The following TRABD2B variants were observed in gnomAD, a reference collection of about 807,000 sequenced individuals.
TRABD2B encodes metalloprotease TIKI2.
Under a neutral mutation model 40.1 loss-of-function variants are expected in TRABD2B, and 14 were observed. That is an observed-to-expected ratio of 0.35 (90% CI 0.23 to 0.55). The LOEUF (loss-of-function observed/expected upper bound fraction) is 0.55. TRABD2B is among the 20% of genes least tolerant of loss of function. The pLI is 0.90. For missense variants in TRABD2B, 541 were observed against 648.6 expected, an observed-to-expected ratio of 0.83 and a Z score of 1.80; for synonymous variants, 263 against 277.0, an observed-to-expected ratio of 0.95 and a Z score of 0.50.
chr1:47,862,949 C>T (rs1201477659), intron 2 of TRABD2B, among the ~76,000 whole-genome samples: 1 of 152,168 alleles, frequency 6.6e-6, no homozygotes, highest in Non-Finnish European at 1.5e-5. Flanking sequence ...GTCAACTAAT[C>T]TTTGACACAG....
intron 2 of TRABD2B, among the ~76,000 whole-genome samples, chr1:47,923,339 G>A (rs752363495): frequency 1.5e-4 from 23 of 152,222 alleles, no homozygotes; most frequent in Non-Finnish European, 2.6e-4. Context: ...GGATTCTCAA[G>A]AGGGCAAGGA....
At chr1:47,907,002 G>GGGT (rs1644687515) in intron 2 of TRABD2B, among the ~76,000 whole-genome samples, 2 of 152,200 alleles carry the variant, frequency 1.3e-5, no homozygotes, top group South Asian at 4.1e-4. Flanking sequence ...GAATAGGCTT[G>GGGT]GCGGTCTCCT....
intron 2 of TRABD2B, among the ~76,000 whole-genome samples, chr1:47,882,299 C>A (rs1483257342): frequency 1.3e-5 from 2 of 152,242 alleles, no homozygotes; most frequent in African/African-American, 4.8e-5. Flanking sequence ...TGACCACCCG[C>A]CACAGTGATC....
At chr1:47,979,153 C>G (rs1645804384) in intron 2 of TRABD2B, among the ~76,000 whole-genome samples, 1 of 152,144 alleles carries the variant, frequency 6.6e-6, no homozygotes, top group African/African-American at 2.4e-5. Flanking sequence ...GGTACTTGGC[C>G]TCCTGGAACC....
rs1644934837 is a variant in TRABD2B, at chr1:47,809,520, C to T, written c.667-7901G>A. ...ACCCTGGGCCCAAATCATCTCTCAG[C>T]ACTGGGTAGGGGTGGAGGACAGCTC... On this transcript the variant is annotated intron_variant, in intron 2 of 6. Coordinates refer to ENST00000606738, the MANE Select transcript of TRABD2B (RefSeq NM_001194986.2). Among the ~76,000 whole-genome samples, 4 of 152,198 alleles carry T rather than the reference C, an allele frequency of 2.6e-5. No homozygotes were observed. The South Asian group carries it at 8.3e-4, about 32-fold the overall frequency.
At position 47,916,045 on chromosome 1, in the gene TRABD2B, C is replaced by T. The variant is rs1197384870; in HGVS notation, c.666+77989G>A. Among the ~76,000 whole-genome samples, 4 of 152,020 alleles carry T rather than the reference C, an allele frequency of 2.6e-5. No individual in the cohort carries two copies. The East Asian group carries it at 7.8e-4, about 29-fold the overall frequency. On this transcript the variant is annotated intron_variant, in intron 2 of 6. Coordinates refer to ENST00000606738, the MANE Select transcript of TRABD2B (RefSeq NM_001194986.2). ...GCAGGTCTGCAAGGACCTGGGGTTGCTGAGGACGCCGCAGACAGCCCTAAA... is the reference window on the plus strand; with the variant it reads ...GCAGGTCTGCAAGGACCTGGGGTTGTTGAGGACGCCGCAGACAGCCCTAAA...
At chr1:47,783,108 G>T (rs1236495884) in intron 4 of TRABD2B, among the ~76,000 whole-genome samples, 1 of 152,118 alleles carries the variant, frequency 6.6e-6, no homozygotes, top group Non-Finnish European at 1.5e-5. Context: ...GAGAGGTAGG[G>T]AGAAGAGCAG....
Position 47,766,051 on chromosome 1 carries a change from C to A in TRABD2B, c.1405G>T (p.Ala469Ser). 1 of 695,090 alleles carries A rather than the reference C, an allele frequency of 1.4e-6. No individual in the cohort carries two copies. The highest frequency in any genetic ancestry group is 1.5e-5 in the South Asian group (1 of 65,834). The allele number at this position is 695,090 out of a possible 1,614,324, so 43.1% of individuals were successfully genotyped here. ...TCTGAAAGCTGGAAGGGGGGCTTGG[C>A]GGTCCCCGAGCTGTGGGTGGGCTGC... Reference protein sequence around the residue: ...PLQPTHSSGTAKPPFQLSDQL... With the variant: ...PLQPTHSSGTSKPPFQLSDQL... Residue 469 changes from alanine (A) to serine (S), a missense_variant, in exon 7 of 7, where the codon GCC (alanine) becomes TCC (serine). This residue lies in a region of TRABD2B where 172 missense variants were observed against 155.8 expected (regional missense o/e 1.10). Coordinates refer to ENST00000606738, the MANE Select transcript of TRABD2B (RefSeq NM_001194986.2).
intron 2 of TRABD2B, among the ~76,000 whole-genome samples, chr1:47,902,356 G>A (rs1446394177): frequency 1.3e-5 from 2 of 152,176 alleles, no homozygotes; most frequent in African/African-American, 4.8e-5. Flanking sequence ...TTCCCAGGGT[G>A]ACTGCCAAGT....
intron 2 of TRABD2B, among the ~76,000 whole-genome samples, chr1:47,949,721 T>C (rs1446319787): frequency 2.6e-5 from 4 of 152,060 alleles, no homozygotes; most frequent in Non-Finnish European, 4.4e-5. Context: ...GATTGTACTT[T>C]CTAGGCTATG....
intron 2 of TRABD2B, among the ~76,000 whole-genome samples, chr1:47,928,493 C>T (rs1644998315): frequency 6.6e-6 from 1 of 152,220 alleles, no homozygotes. Context: ...CCTCTAAACT[C>T]CACACCCCAT....
intron 2 of TRABD2B, among the ~76,000 whole-genome samples, chr1:47,885,256 T>C (rs144244803): frequency 0.013 from 1,980 of 152,258 alleles, 23 homozygotes; most frequent in Non-Finnish European, 0.016. Flanking sequence ...CTCCTACACA[T>C]CCTTTGGGCC....
chr1:47,987,842 C>A (rs1645942008), intron 2 of TRABD2B, among the ~76,000 whole-genome samples: 1 of 151,416 alleles, frequency 6.6e-6, no homozygotes, highest in Non-Finnish European at 1.5e-5. Context: ...TGCCGAAGCA[C>A]AAGGTGAAGG....
At chr1:47,942,672 A>G (rs1645203552) in intron 2 of TRABD2B, among the ~76,000 whole-genome samples, 1 of 152,178 alleles carries the variant, frequency 6.6e-6, no homozygotes, top group South Asian at 2.1e-4. Flanking sequence ...AATTTTGCAC[A>G]TTTACCAGGT....
intron 2 of TRABD2B, among the ~76,000 whole-genome samples, chr1:47,869,486 T>C (rs2124585341): frequency 6.6e-6 from 1 of 152,330 alleles, no homozygotes; most frequent in Non-Finnish European, 1.5e-5. Flanking sequence ...GATGCTGTGA[T>C]GGCATGTGTC....
At chr1:47,899,433 C>T (rs893352118) in intron 2 of TRABD2B, among the ~76,000 whole-genome samples, 2 of 152,198 alleles carry the variant, frequency 1.3e-5, no homozygotes, top group African/African-American at 4.8e-5. Flanking sequence ...CTTTGGTCCC[C>T]TGAAACAAGG....
intron 4 of TRABD2B, among the ~76,000 whole-genome samples, chr1:47,781,804 C>T (rs925446698): frequency 6.6e-6 from 1 of 152,190 alleles, no homozygotes; most frequent in Non-Finnish European, 1.5e-5. Flanking sequence ...CCTGCGCTCC[C>T]GAGCCCATGT....
At chr1:47,771,990 G>A (rs911316275) in intron 6 of TRABD2B, among the ~76,000 whole-genome samples, 38 of 152,122 alleles carry the variant, frequency 2.5e-4, no homozygotes, top group African/African-American at 8.9e-4. Flanking sequence ...CTCCCAGCCT[G>A]GAGCATGAGT....
At chr1:47,951,099 C>A (rs560482364) in intron 2 of TRABD2B, among the ~76,000 whole-genome samples, 35 of 152,302 alleles carry the variant, frequency 2.3e-4, no homozygotes, top group African/African-American at 8.2e-4. Context: ...GTAAGCCAGG[C>A]TGGACTGATG....
Sources: allele counts gnomAD v4.1 joint callset (sites outside exome capture counted in the v4.1 genomes callset), GRCh38; gene constraint gnomAD v4.1.1; regional missense constraint gnomAD v4.1.1; transcripts MANE v1.5; gene names NCBI Gene and HGNC (gene_info 2026-07-23, HGNC 2026-07-21).